UBR3: variants seen among roughly 807,000 people sequenced by gnomAD.
The protein encoded by UBR3 is ubiquitin protein ligase E3 component n-recognin 3.
In UBR3, 85 loss-of-function variants were observed where a neutral mutation model predicts 243.2. That is an observed-to-expected ratio of 0.35 (90% confidence interval 0.29 to 0.42). UBR3 has a LOEUF of 0.42. Among genes scored for constraint, UBR3 ranks in the 10% least tolerant of loss-of-function variants. The pLI is 1.00. For synonymous variants in UBR3, 748 were observed against 799.8 expected, an observed-to-expected ratio of 0.94 and a Z score of 1.09; for missense variants, 1,686 against 2,300.8, an observed-to-expected ratio of 0.73 and a Z score of 5.47.
intron 5 of UBR3, among the ~76,000 whole-genome samples, chr2:169,885,944 G>T (rs2084077369): frequency 6.6e-6 from 1 of 152,092 alleles, no homozygotes; most frequent in Non-Finnish European, 1.5e-5. Context: ...CGATCCCTAG[G>T]TCAGGAGATC....
rs543170611 is a variant in UBR3, at chr2:170,008,903, C to T, written c.4330C>T (p.Pro1444Ser). The T allele has an allele frequency of 1.9e-6, 3 of 1,597,986 alleles. No homozygotes were observed. Among genetic ancestry groups the T allele is most frequent in the East Asian group, 2.3e-5 (1 of 44,428 alleles). ...AGACTATAGCAAGACCCCGGGCTCACCAGACAATGATTTTCTCTTTATGTA... is the reference window on the plus strand; with the variant it reads ...AGACTATAGCAAGACCCCGGGCTCATCAGACAATGATTTTCTCTTTATGTA... ...YRDYSKTPGS[P>S]DNDFLFMYSV... Residue 1444 changes from proline to serine, a missense_variant, in exon 29 of 39, where the codon CCA (proline) becomes TCA (serine). Physicochemically the swap from Pro to Ser is moderately conservative, Grantham distance 74 (BLOSUM62 -1). Coordinates refer to ENST00000272793, the MANE Select transcript of UBR3 (RefSeq NM_172070.4).
At chr2:169,960,236 C>CAAAAAAAAAA (rs11461641) in intron 24 of UBR3, among the ~76,000 whole-genome samples, 1 of 64,012 alleles carries the variant, frequency 1.6e-5, no homozygotes. Flanking sequence ...GTGACAAGAG[C>CAAAAAAAAAA]AAAAAAAAAA....
At chr2:169,857,077 T>TG (rs1553494647) in intron 1 of UBR3, among the ~76,000 whole-genome samples, 1 of 126,084 alleles carries the variant, frequency 7.9e-6, no homozygotes, top group Non-Finnish European at 1.7e-5. Flanking sequence ...TTTTTTTTTT[T>TG]TTTTTTTTTT....
At chr2:169,848,608 G>T (rs950666552) in intron 1 of UBR3, among the ~76,000 whole-genome samples, 7 of 151,502 alleles carry the variant, frequency 4.6e-5, no homozygotes, top group Admixed American at 2.0e-4. Context: ...TCTATTTTTG[G>T]GAGAGGACTA....
At chr2:169,832,010 C>T (rs367571405) in intron 1 of UBR3, among the ~76,000 whole-genome samples, 2 of 152,280 alleles carry the variant, frequency 1.3e-5, no homozygotes, top group East Asian at 3.9e-4. Flanking sequence ...TCACCAGTGT[C>T]TGACTGTTGC....
At chr2:169,829,398 A>G (rs909184582) in intron 1 of UBR3, among the ~76,000 whole-genome samples, 10 of 151,816 alleles carry the variant, frequency 6.6e-5, no homozygotes, top group Non-Finnish European at 1.5e-4. Context: ...TAATAATAAC[A>G]ACATAATTGC....
chr2:170,066,993 T>TAATAATAATAAAAAA (rs71006067), intron 35 of UBR3, among the ~76,000 whole-genome samples: 6 of 144,224 alleles, frequency 4.2e-5, no homozygotes, highest in South Asian at 2.2e-4. Context: ...ATAATAATAA[T>TAATAATAATAAAAAA]AAACTTCATT....
At chr2:169,924,410 T>C (rs961798437) in intron 13 of UBR3, among the ~76,000 whole-genome samples, 7 of 152,208 alleles carry the variant, frequency 4.6e-5, no homozygotes, top group African/African-American at 1.7e-4. Flanking sequence ...GGGTGGTATT[T>C]AACATACTAT....
rs1011761075 is a variant in UBR3, at chr2:169,947,757, G to A, written c.3084+42G>A. The A allele has an allele frequency of 1.1e-5, 15 of 1,379,570 alleles. No individual in the cohort carries two copies. In the African/African-American group the frequency reaches 1.8e-4, roughly 16 times the overall value. 85.5% of individuals were successfully genotyped at this position (1,379,570 alleles called of 1,614,324 possible). On this transcript the variant is annotated intron_variant, in intron 22 of 38. Transcript: ENST00000272793. Reference sequence around the variant, plus strand: ...GAAAGAAAATAAGAAAAAGCTTTATGTTATGTATGTTATGTTGGGATATAC... The same window carrying A: ...GAAAGAAAATAAGAAAAAGCTTTATATTATGTATGTTATGTTGGGATATAC...
intron 32 of UBR3, among the ~76,000 whole-genome samples, chr2:170,054,383 G>A (rs1476014810): frequency 6.6e-6 from 1 of 151,580 alleles, no homozygotes; most frequent in Non-Finnish European, 1.5e-5. Flanking sequence ...CCGGGTTCAA[G>A]CGATTCTCCT....
intron 30 of UBR3, among the ~76,000 whole-genome samples, chr2:170,027,981 A>G (rs925763483): frequency 2.6e-5 from 4 of 152,024 alleles, no homozygotes; most frequent in South Asian, 4.1e-4. Context: ...AAATTAATTG[A>G]GATTATCAAT....
At chr2:169,836,801 ACTG>A (rs899382491) in intron 1 of UBR3, among the ~76,000 whole-genome samples, 7 of 152,032 alleles carry the variant, frequency 4.6e-5, no homozygotes, top group African/African-American at 1.7e-4. Context: ...TTCTTGGTGA[ACTG>A]CTGGTTCATA....
chr2:169,986,654 A>G lies in UBR3; in HGVS notation c.3644A>G (p.Glu1215Gly), dbSNP rs1297148914. Reference sequence around the variant, plus strand: ...AACTTTTTTCCCTCAGATTCTCCTGAGAATGATATTCCTATGGAGATCACC... The same window carrying G: ...AACTTTTTTCCCTCAGATTCTCCTGGGAATGATATTCCTATGGAGATCACC... ...METAMDVDSP[E>G]NDIPMEITTA... The change falls in exon 25 of 39, where the codon GAG (glutamate) becomes GGG (glycine). Residue 1215 changes from glutamate to glycine, a missense_variant. Glu to Gly is a moderately conservative substitution (Grantham distance 98, BLOSUM62 -2). Transcript: ENST00000272793. The G allele has an allele frequency of 2.5e-6, 4 of 1,610,468 alleles. No homozygotes were observed. Among genetic ancestry groups the G allele is most frequent in the Non-Finnish European group, 2.5e-6 (3 of 1,178,846 alleles).
intron 20 of UBR3, 27 bp downstream of exon 20, chr2:169,942,661 C>T: frequency 3.4e-6 from 5 of 1,471,440 alleles, no homozygotes; most frequent in Non-Finnish European, 4.5e-6. Context: ...AATAGAAAGA[C>T]TAAGCTTAGA....
intron 25 of UBR3, 150 bp downstream of exon 25, chr2:169,986,944 A>G: frequency 1.3e-6 from 1 of 797,524 alleles, no homozygotes; most frequent in East Asian, 2.8e-5. Context: ...AAGATTCTTT[A>G]TCGGTTATAT....
At chr2:169,891,413 T>G (rs564803010) in intron 6 of UBR3, among the ~76,000 whole-genome samples, 182 bp downstream of exon 6, 13 of 152,292 alleles carry the variant, frequency 8.5e-5, no homozygotes, top group Admixed American at 2.6e-4. Context: ...TATTGGGTTT[T>G]GTTCATTATT....
At position 170,066,993 on chromosome 2, in the gene UBR3, T is replaced by TAATAATAATAATCATAATAATAAA. The variant is rs71006067; in HGVS notation, c.5019+5552_5019+5553insTAATAATAATCATAATAATAAAAA. 3.2e-4 allele frequency among the ~76,000 whole-genome samples: 46 copies of TAATAATAATAATCATAATAATAAA among 144,276 alleles called. No individual in the cohort carries two copies. The Middle Eastern group carries it at 0.014, about 44-fold the overall frequency. The allele number at this position is 144,276 out of a possible 152,430, so 94.7% of individuals were successfully genotyped here. ...ATAATAATAATAATAATAATAATAA[T>TAATAATAATAATCATAATAATAAA]AAACTTCATTATAACTGAGAGGTAG... On this transcript the variant is annotated intron_variant, in intron 35 of 38. Coordinates refer to ENST00000272793, the MANE Select transcript of UBR3 (RefSeq NM_172070.4).
chr2:169,842,168 T>C (rs929270863), intron 1 of UBR3, among the ~76,000 whole-genome samples: 1 of 151,944 alleles, frequency 6.6e-6, no homozygotes, highest in Non-Finnish European at 1.5e-5. Context: ...GGTTTGTAAA[T>C]ACACCAATCA....
intron 33 of UBR3, among the ~76,000 whole-genome samples, chr2:170,059,706 A>G (rs559723205): frequency 6.6e-6 from 1 of 152,292 alleles, no homozygotes; most frequent in East Asian, 1.9e-4. Flanking sequence ...CCGCAGAGTC[A>G]GAGTCGTTTT....
Sources: gnomAD v4.1 joint callset for allele counts (sites outside exome capture counted in the v4.1 genomes callset) on GRCh38, gnomAD v4.1.1 for gene constraint, MANE v1.5 for transcripts, NCBI Gene and HGNC (gene_info 2026-07-23, HGNC 2026-07-21) for gene names.